GRID1: variants seen among roughly 807,000 people sequenced by gnomAD.
GRID1 encodes the protein glutamate ionotropic receptor delta type subunit 1.
GRID1 carries 28 observed loss-of-function variants against 98.0 expected under a neutral mutation model. That is an observed-to-expected ratio of 0.29 (90% confidence interval 0.21 to 0.39). GRID1 has a LOEUF of 0.39. Among genes scored for constraint, GRID1 ranks in the 10% least tolerant of loss-of-function variants. The pLI is 1.00. For synonymous variants in GRID1, 553 were observed against 538.5 expected, an observed-to-expected ratio of 1.03 and a Z score of -0.37; for missense variants, 1,111 against 1,340.5, an observed-to-expected ratio of 0.83 and a Z score of 2.67.
intron 2 of GRID1, among the ~76,000 whole-genome samples, chr10:86,325,602 AATCT>A (rs566508699): frequency 1.8e-3 from 277 of 152,374 alleles, no homozygotes; most frequent in Admixed American, 3.5e-3. Flanking sequence ...CCTCCTTCCC[AATCT>A]ATCTACTTAG....
intron 4 of GRID1, among the ~76,000 whole-genome samples, chr10:86,057,157 A>G (rs1019405424): frequency 6.6e-6 from 1 of 152,218 alleles, no homozygotes; most frequent in Non-Finnish European, 1.5e-5. Flanking sequence ...AGAGAGGGCA[A>G]CTAATCCTGG....
At chr10:85,637,371 T>A (rs1180386826) in intron 13 of GRID1, among the ~76,000 whole-genome samples, 1 of 152,110 alleles carries the variant, frequency 6.6e-6, no homozygotes, top group Admixed American at 6.5e-5. Flanking sequence ...CTGGGGGAGA[T>A]TTGAGTGGAT....
intron 5 of GRID1, among the ~76,000 whole-genome samples, chr10:85,878,208 C>A (rs555347010): frequency 5.3e-5 from 8 of 152,142 alleles, no homozygotes; most frequent in Non-Finnish European, 1.0e-4. Flanking sequence ...AGGGTATTAT[C>A]CAGGAGAACT....
chr10:85,773,861 G>C (rs1333453033), intron 8 of GRID1, among the ~76,000 whole-genome samples: 1 of 152,184 alleles, frequency 6.6e-6, no homozygotes, highest in East Asian at 1.9e-4. Flanking sequence ...CATGCTCATG[G>C]CTAGGAAGAA....
chr10:86,026,388 C>G (rs529094239), intron 4 of GRID1, among the ~76,000 whole-genome samples: 1 of 152,284 alleles, frequency 6.6e-6, no homozygotes, highest in Admixed American at 6.5e-5. Flanking sequence ...ACTGAATTGT[C>G]CATTTCTGAA....
At chr10:86,364,431 G>T (rs949335986) in intron 1 of GRID1, among the ~76,000 whole-genome samples, 1 of 152,224 alleles carries the variant, frequency 6.6e-6, no homozygotes, top group Admixed American at 6.5e-5. Flanking sequence ...AAGCCAAGCT[G>T]GGGTGGCCCC....
intron 12 of GRID1, among the ~76,000 whole-genome samples, chr10:85,698,662 A>C (rs571708441): frequency 1.3e-5 from 2 of 152,338 alleles, no homozygotes; most frequent in East Asian, 3.9e-4. Flanking sequence ...ATATATTCTT[A>C]ATTCTTTGGG....
intron 3 of GRID1, among the ~76,000 whole-genome samples, chr10:86,194,360 C>A (rs1216032111): frequency 6.6e-6 from 1 of 152,072 alleles, no homozygotes; most frequent in Non-Finnish European, 1.5e-5. Context: ...TGGGGTAGAA[C>A]CAAGTGGGCA....
chr10:85,629,110 C>T (rs1842944509), intron 13 of GRID1, among the ~76,000 whole-genome samples: 2 of 152,062 alleles, frequency 1.3e-5, no homozygotes, highest in Admixed American at 6.6e-5. Flanking sequence ...TCCTGGTATT[C>T]CTGTGTCCTA....
At chr10:85,909,280 C>T (rs1196709586) in intron 5 of GRID1, among the ~76,000 whole-genome samples, 2 of 152,104 alleles carry the variant, frequency 1.3e-5, no homozygotes, top group Non-Finnish European at 2.9e-5. Flanking sequence ...AATCAAAAAC[C>T]CCGACCATAC....
At chr10:86,347,550 G>T (rs113898374) in intron 2 of GRID1, among the ~76,000 whole-genome samples, 11 of 152,320 alleles carry the variant, frequency 7.2e-5, no homozygotes, top group African/African-American at 2.6e-4. Context: ...GGGGCAAGTG[G>T]CCAGGGGGCT....
chr10:86,237,191 G>A (rs546775244), intron 2 of GRID1, among the ~76,000 whole-genome samples: 1 of 152,206 alleles, frequency 6.6e-6, no homozygotes, highest in Non-Finnish European at 1.5e-5. Flanking sequence ...CCCTTAAAAT[G>A]CCCTAACCCC....
intron 4 of GRID1, among the ~76,000 whole-genome samples, chr10:86,089,955 C>T (rs1844121083): frequency 6.6e-6 from 1 of 152,090 alleles, no homozygotes. Flanking sequence ...CCATGTTGGC[C>T]AGGCTGCTCT....
At chr10:86,187,453 G>C (rs777992296) in intron 3 of GRID1, among the ~76,000 whole-genome samples, 22 of 152,206 alleles carry the variant, frequency 1.4e-4, no homozygotes, top group Non-Finnish European at 2.9e-4. Flanking sequence ...ACCAGAGTCT[G>C]AGTGCTAAAT....
intron 2 of GRID1, among the ~76,000 whole-genome samples, chr10:86,264,958 G>A (rs1041063322): frequency 2.6e-5 from 4 of 152,152 alleles, no homozygotes; most frequent in Non-Finnish European, 5.9e-5. Flanking sequence ...CTGCCATCAA[G>A]GCCTGGATCA....
chr10:85,860,065 A>T (rs746389954), intron 6 of GRID1, among the ~76,000 whole-genome samples: 1 of 152,178 alleles, frequency 6.6e-6, no homozygotes, highest in Non-Finnish European at 1.5e-5. Context: ...AGATGCATGG[A>T]TGCTCACTCG....
intron 12 of GRID1, among the ~76,000 whole-genome samples, chr10:85,716,399 CG>C (rs1395279912): frequency 6.6e-6 from 1 of 151,768 alleles, no homozygotes; most frequent in Admixed American, 6.6e-5. Context: ...CATCACACAC[CG>C]GGGACTGTTG....
chr10:85,786,693 G>C (rs544049844), intron 8 of GRID1, among the ~76,000 whole-genome samples: 1 of 152,260 alleles, frequency 6.6e-6, no homozygotes, highest in East Asian at 1.9e-4. Flanking sequence ...TGTAATTATT[G>C]TTATAGATTA....
rs373210036 is a variant in GRID1, at chr10:85,667,752, GTGAGTGAA to G, written c.1998-20363_1998-20356del. ...ATGGTAGGTGGTCAAGAAAAACTTT[GTGAGTGAA>G]TGAGTGGATGAGTCCAGCCTGTTCG... On this transcript the variant is annotated intron_variant, in intron 12 of 15. Transcript: ENST00000327946. Among the ~76,000 whole-genome samples the G allele has an allele frequency of 2.4e-3, 368 of 152,320 alleles. 2 individuals carry two copies. The highest frequency in any genetic ancestry group is 0.014 in the Middle Eastern group (4 of 294).
Sources: allele counts gnomAD v4.1 joint callset (sites outside exome capture counted in the v4.1 genomes callset), GRCh38; gene constraint gnomAD v4.1.1; transcripts MANE v1.5; gene names NCBI Gene and HGNC (gene_info 2026-07-23, HGNC 2026-07-21).